ABCB5: variants seen among roughly 807,000 people sequenced by gnomAD.
ABCB5 encodes ATP-binding cassette sub-family B member 5.
In ABCB5, 155 loss-of-function variants were observed where a neutral mutation model predicts 144.2. That is an observed-to-expected ratio of 1.08 (90% CI 0.94 to 1.23). The LOEUF is 1.23. Ranked by LOEUF, ABCB5 falls within the 50% of genes most tolerant of loss-of-function variation. ABCB5 has a pLI of 0.00. For synonymous variants in ABCB5, 610 were observed against 528.6 expected, an observed-to-expected ratio of 1.15 and a Z score of -2.11; for missense variants, 1,830 against 1,520.8, an observed-to-expected ratio of 1.20 and a Z score of -3.38.
chr7:20,620,440 A>G (rs1254290275), intron 1 of ABCB5, among the ~76,000 whole-genome samples: 2 of 152,154 alleles, frequency 1.3e-5, no homozygotes, highest in Non-Finnish European at 2.9e-5. Flanking sequence ...TATTAAAGGA[A>G]ACTACCCAGA....
intron 2 of ABCB5, 80 bp downstream of exon 2, chr7:20,623,418 G>A: frequency 1.7e-6 from 2 of 1,196,392 alleles, no homozygotes; most frequent in African/African-American, 1.6e-5. Flanking sequence ...TAGCAAAAAT[G>A]TTTATAATTT....
intron 17 of ABCB5, among the ~76,000 whole-genome samples, 164 bp from the exon 18 acceptor site, chr7:20,699,661 C>G (rs185928516): frequency 1.3e-5 from 2 of 151,488 alleles, no homozygotes; most frequent in South Asian, 2.1e-4. Flanking sequence ...AGACTGAGAT[C>G]GCAACACTGC....
intron 6 of ABCB5, 28 bp downstream of exon 6, chr7:20,643,403 G>C (rs941855336): frequency 2.2e-5 from 35 of 1,613,324 alleles, no homozygotes; most frequent in Non-Finnish European, 2.8e-5. Context: ...TAGTACGTTA[G>C]CTTTGTTTTC....
chr7:20,643,296 T>G lies in ABCB5; in HGVS notation c.427T>G (p.Phe143Val). Reference sequence around the variant, plus strand: ...ACAGACCAAGAGGATTCGAAAACAGTTTTTTCATTCAGTTTTGGCACAGGA... The same window carrying G: ...ACAGACCAAGAGGATTCGAAAACAGGTTTTTCATTCAGTTTTGGCACAGGA... Reference protein sequence around the residue: ...ARQTKRIRKQFFHSVLAQDIG... With the variant: ...ARQTKRIRKQVFHSVLAQDIG... The change falls in exon 6 of 28, where the codon TTT becomes GTT. Residue 143 changes from phenylalanine to valine, a missense_variant. Transcript: ENST00000404938. 3 of 1,613,906 alleles carry G rather than the reference T, an allele frequency of 1.9e-6. No homozygotes were observed. Among genetic ancestry groups the G allele is most frequent in the Non-Finnish European group, 2.5e-6 (3 of 1,179,864 alleles).
chr7:20,689,792 A>G (rs1047940710), intron 16 of ABCB5, among the ~76,000 whole-genome samples: 1 of 152,202 alleles, frequency 6.6e-6, no homozygotes, highest in African/African-American at 2.4e-5. Context: ...CCTCTTGCCC[A>G]CTGGTAAAGG....
intron 14 of ABCB5, chr7:20,660,075 T>C (rs967606266): frequency 2.0e-6 from 2 of 985,428 alleles, no homozygotes; most frequent in East Asian, 1.1e-4. Flanking sequence ...CATCCACTGG[T>C]AATCACTTTA....
chr7:20,666,170 CAAA>C (rs60445898), intron 14 of ABCB5, among the ~76,000 whole-genome samples: 8 of 115,740 alleles, frequency 6.9e-5, no homozygotes, highest in Admixed American at 1.8e-4. Flanking sequence ...AACTCTGTCT[CAAA>C]AAAAAAAAAA....
intron 5 of ABCB5, among the ~76,000 whole-genome samples, chr7:20,642,940 A>G (rs1432093979): frequency 1.3e-5 from 2 of 152,244 alleles, no homozygotes; most frequent in Non-Finnish European, 2.9e-5. Flanking sequence ...GAAAGAAGAT[A>G]TAAGTAGCAA....
rs1782099628 is a variant in ABCB5, at chr7:20,728,270, G to C, written c.2727-45G>C. 8 of 1,598,238 alleles carry C rather than the reference G, an allele frequency of 5.0e-6. No homozygotes were observed. The African/African-American group carries it at 9.4e-5, about 19-fold the overall frequency. On this transcript the variant is annotated intron_variant, in intron 22 of 27. Transcript: ENST00000404938. ...ACTCTACATGTATTCAATTGACCTT[G>C]CTATAATTCATGCCTCATTATTTGG...
At chr7:20,633,592 A>G (rs1384762116) in intron 5 of ABCB5, among the ~76,000 whole-genome samples, 1 of 152,154 alleles carries the variant, frequency 6.6e-6, no homozygotes, top group East Asian at 1.9e-4. Context: ...ATTATCTCAA[A>G]CATTTGTCGT....
At chr7:20,647,079 A>C (rs1469454572) in intron 9 of ABCB5, among the ~76,000 whole-genome samples, 1 of 152,172 alleles carries the variant, frequency 6.6e-6, no homozygotes, top group Non-Finnish European at 1.5e-5. Context: ...CTAATACAAA[A>C]ATTCAAAAAC....
chr7:20,645,694 A>G, intron 7 of ABCB5, 62 bp from the exon 8 acceptor site: 1 of 1,565,332 alleles, frequency 6.4e-7, no homozygotes, highest in South Asian at 1.2e-5. Context: ...GCCTGACTTA[A>G]ATGTTCAGAA....
intron 26 of ABCB5, among the ~76,000 whole-genome samples, chr7:20,751,083 A>G (rs945475631): frequency 1.2e-4 from 18 of 152,188 alleles, no homozygotes; most frequent in African/African-American, 3.4e-4. Context: ...CTTTAGGATT[A>G]GACTCTGGTG....
chr7:20,721,886 T>C (rs566318749), intron 20 of ABCB5, among the ~76,000 whole-genome samples: 1 of 152,312 alleles, frequency 6.6e-6, no homozygotes, highest in Admixed American at 6.5e-5. Context: ...CTCCGTGAAA[T>C]AGAATATGTA....
intron 14 of ABCB5, among the ~76,000 whole-genome samples, chr7:20,666,170 CAA>C (rs60445898): frequency 0.31 from 35,326 of 115,782 alleles, 4,766 homozygotes; most frequent in African/African-American, 0.43. Context: ...AACTCTGTCT[CAA>C]AAAAAAAAAA....
At chr7:20,632,383 C>T (rs1784057477) in intron 5 of ABCB5, among the ~76,000 whole-genome samples, 2 of 152,164 alleles carry the variant, frequency 1.3e-5, no homozygotes, top group South Asian at 4.1e-4. Context: ...ATTTTTGTAG[C>T]AATTTTGCCT....
intron 13 of ABCB5, 78 bp downstream of exon 13, chr7:20,651,701 C>A: frequency 1.4e-6 from 2 of 1,422,000 alleles, no homozygotes; most frequent in Non-Finnish European, 2.0e-6. Flanking sequence ...AATGAAACAA[C>A]AACTGATGCA....
In ABCB5 at chr7:20,737,408, C is replaced by A. The variant is rs545645917; in HGVS notation, c.2868-1575C>A. The stretch of plus-strand genomic sequence containing the variant: ...CATCCTTTGGGTCATTTACCTCCCA[C>A]AAACACAAGCTCTGAGTTGAAGGCC... On this transcript the variant is annotated intron_variant, in intron 23 of 27. Coordinates refer to ENST00000404938, the MANE Select transcript of ABCB5 (RefSeq NM_001163941.2). Among the ~76,000 whole-genome samples the A allele has an allele frequency of 2.5e-4, 38 of 152,290 alleles. No individual in the cohort carries two copies. In the South Asian group the frequency reaches 7.5e-3, roughly 30 times the overall value.
At chr7:20,724,239 T>C (rs1462801800) in intron 21 of ABCB5, among the ~76,000 whole-genome samples, 1 of 152,092 alleles carries the variant, frequency 6.6e-6, no homozygotes, top group Non-Finnish European at 1.5e-5. Flanking sequence ...TCTATCTTAC[T>C]CTTCTTGGCT....
Sources: allele counts gnomAD v4.1 joint callset (sites outside exome capture counted in the v4.1 genomes callset), GRCh38; gene constraint gnomAD v4.1.1; transcripts MANE v1.5; gene names NCBI Gene and HGNC (gene_info 2026-07-23, HGNC 2026-07-21).